Variants in TMLHE observed in about 807,000 individuals in gnomAD.
The protein encoded by TMLHE is trimethyllysine dioxygenase, mitochondrial.
In TMLHE, 18 loss-of-function variants were observed where a neutral mutation model predicts 25.7. The observed-to-expected ratio is 0.70, with a 90% confidence interval of 0.48 to 1.04. The LOEUF (loss-of-function observed/expected upper bound fraction) is 1.04, where lower values mean the gene tolerates loss of function less well. Ranked by LOEUF, TMLHE falls within the 50% of genes least tolerant of loss-of-function variation. TMLHE has a pLI of 0.00. For synonymous variants in TMLHE, 105 were observed against 97.0 expected (o/e 1.08, Z -0.49); for missense variants, 236 against 259.0 (o/e 0.91, Z 0.61).
At chrX:155,547,060 C>T (rs2067350326) in intron 1 of TMLHE, among the ~76,000 whole-genome samples, 2 of 111,564 alleles carry the variant, frequency 1.8e-5, no homozygotes, top group Non-Finnish European at 3.8e-5. Flanking sequence ...ATACTCTTCT[C>T]CCACTACATC....
chrX:155,585,951 C>T (rs782025884), intron 1 of TMLHE, among the ~76,000 whole-genome samples: 26 of 111,641 alleles, frequency 2.3e-4, no homozygotes, highest in Admixed American at 2.2e-3. Flanking sequence ...GGGCCAGGCA[C>T]GGTGGCTCAT....
At position 155,586,053 on chromosome X, in the gene TMLHE, C is replaced by T. The variant is rs375580850; in HGVS notation, c.-2+26739G>A. Among the ~76,000 whole-genome samples, 28 of 109,867 alleles carry T rather than the reference C, an allele frequency of 2.5e-4. No individual in the cohort carries two copies. In the East Asian group the frequency reaches 6.9e-3, roughly 27 times the overall value. On this transcript the variant is annotated intron_variant, in intron 1 of 7. Transcript: ENST00000334398. ...CAGCCTGACCAACATGGAGAAACCCCGTCTCTACTAAAAATACAAAAAAAT... is the reference window on the plus strand; with the variant it reads ...CAGCCTGACCAACATGGAGAAACCCTGTCTCTACTAAAAATACAAAAAAAT...
At chrX:155,547,366 G>T (rs1385249913) in intron 1 of TMLHE, among the ~76,000 whole-genome samples, 1 of 109,563 alleles carries the variant, frequency 9.1e-6, no homozygotes, top group Non-Finnish European at 1.9e-5. Context: ...GGATGGTCTC[G>T]ATCTCCTGAC....
intron 1 of TMLHE, among the ~76,000 whole-genome samples, chrX:155,548,504 GGCGGGCGGATC>G (rs1250963959): frequency 9.2e-6 from 1 of 108,265 alleles, no homozygotes; most frequent in Admixed American, 9.6e-5. Flanking sequence ...GGGAGGTCAA[GGCGGGCGGATC>G]ACAAGGTCAG....
intron 5 of TMLHE, among the ~76,000 whole-genome samples, chrX:155,510,231 C>T (rs1342705464): frequency 4.2e-5 from 2 of 48,023 alleles, no homozygotes; most frequent in African/African-American, 1.0e-4. Context: ...GATGAGTTTT[C>T]TTTTTATTTT....
chrX:155,585,829 T>C (rs2067660504), intron 1 of TMLHE, among the ~76,000 whole-genome samples: 2 of 111,878 alleles, frequency 1.8e-5, no homozygotes, highest in South Asian at 7.4e-4. Context: ...AAAACAAGTC[T>C]CAACAACTTT....
At chrX:155,515,268 A>G (rs2067144393) in intron 3 of TMLHE, among the ~76,000 whole-genome samples, 1 of 110,652 alleles carries the variant, frequency 9.0e-6, no homozygotes, top group African/African-American at 3.3e-5. Context: ...GTCACTTAAC[A>G]TTTTAACAAT....
intron 2 of TMLHE, among the ~76,000 whole-genome samples, chrX:155,526,392 G>T (rs1557336458): frequency 8.8e-6 from 1 of 113,088 alleles, no homozygotes; most frequent in Non-Finnish European, 1.9e-5. Flanking sequence ...CCAGAAGGCA[G>T]GAGTTGAGGC....
Position 155,514,181 on chromosome X carries a change from G to C in TMLHE, c.443C>G (p.Pro148Arg). 5 of 1,210,776 alleles carry C rather than the reference G, an allele frequency of 4.1e-6. No individual in the cohort carries two copies. Among genetic ancestry groups the C allele is most frequent in the Non-Finnish European group, 5.6e-6 (5 of 894,916 alleles). ...GATTTCAGCATTCCATAGTATTCTA[G>C]GCTGGATGACTTTTTGTTTCTGCCC... Reference protein sequence around the residue: ...YEGQKQKVIQPRILWNAEIYQ... With the variant: ...YEGQKQKVIQRRILWNAEIYQ... The change falls in exon 4 of 8, where the codon CCT becomes CGT. Residue 148 changes from proline to arginine, a missense_variant. By Grantham distance (103) the Pro-to-Arg change is moderately radical. Coordinates refer to ENST00000334398, the MANE Select transcript of TMLHE (RefSeq NM_018196.4).
chrX:155,537,915 A>G (rs922215884), intron 2 of TMLHE, among the ~76,000 whole-genome samples: 1 of 111,845 alleles, frequency 8.9e-6, no homozygotes, highest in African/African-American at 3.3e-5. Context: ...GTATATATAC[A>G]TTTTGGAATG....
At chrX:155,537,632 C>T (rs2067286695) in intron 2 of TMLHE, among the ~76,000 whole-genome samples, 1 of 110,467 alleles carries the variant, frequency 9.1e-6, no homozygotes, top group African/African-American at 3.3e-5. Flanking sequence ...AATGTCCTCA[C>T]TTACCTCCTT....
At chrX:155,512,274 A>ATGTG (rs1569561852) in intron 4 of TMLHE, among the ~76,000 whole-genome samples, 7 of 104,333 alleles carry the variant, frequency 6.7e-5, no homozygotes, top group East Asian at 3.0e-4. Context: ...CCACTAACTC[A>ATGTG]TCATCTAGCA....
At chrX:155,574,166 A>C (rs1215748339) in intron 1 of TMLHE, among the ~76,000 whole-genome samples, 2 of 108,216 alleles carry the variant, frequency 1.8e-5, no homozygotes, top group African/African-American at 7.2e-5. Context: ...AAGGCCTGCC[A>C]GCAAGAAATT....
intron 1 of TMLHE, among the ~76,000 whole-genome samples, chrX:155,548,827 T>TG (rs782238172): frequency 9.1e-6 from 1 of 110,286 alleles, no homozygotes; most frequent in East Asian, 2.8e-4. Flanking sequence ...AAAACACATA[T>TG]GGTCAATATG....
chrX:155,580,828 C>A (rs983246324), intron 1 of TMLHE, among the ~76,000 whole-genome samples: 2 of 111,625 alleles, frequency 1.8e-5, no homozygotes, highest in African/African-American at 6.5e-5. Context: ...TTTTATGAGG[C>A]AAGCATCATC....
At chrX:155,548,814 G>C (rs1336392807) in intron 1 of TMLHE, among the ~76,000 whole-genome samples, 1 of 110,198 alleles carries the variant, frequency 9.1e-6, no homozygotes, top group South Asian at 3.8e-4. Flanking sequence ...ACATTTCTAA[G>C]AGAAAACACA....
At chrX:155,568,615 T>G (rs1224755745) in intron 1 of TMLHE, among the ~76,000 whole-genome samples, 2 of 61,134 alleles carry the variant, frequency 3.3e-5, no homozygotes, top group Non-Finnish European at 9.1e-5. Context: ...CTCACACGGC[T>G]GGGTACTCCT....
At chrX:155,548,498 G>T (rs1301447349) in intron 1 of TMLHE, among the ~76,000 whole-genome samples, 1 of 108,226 alleles carries the variant, frequency 9.2e-6, no homozygotes, top group South Asian at 3.8e-4. Context: ...CACTTTGGGA[G>T]GTCAAGGCGG....
chrX:155,560,599 TGGGGTAAAG>T (rs2067490346), intron 1 of TMLHE, among the ~76,000 whole-genome samples: 1 of 45,328 alleles, frequency 2.2e-5, no homozygotes, highest in African/African-American at 4.2e-5. Flanking sequence ...TAAGGATATC[TGGGGTAAAG>T]TAGACTAGGC....
Sources: gnomAD v4.1 joint callset for allele counts (sites outside exome capture counted in the v4.1 genomes callset) on GRCh38, gnomAD v4.1.1 for gene constraint, MANE v1.5 for transcripts, NCBI Gene and HGNC (gene_info 2026-07-23, HGNC 2026-07-21) for gene names.